Variants in RNF6 observed in about 807,000 individuals in gnomAD.
RNF6 encodes the protein ring finger protein 6.
RNF6 carries 21 observed loss-of-function variants against 50.1 expected under a neutral mutation model. That is an observed-to-expected ratio of 0.42 (90% CI 0.30 to 0.60). RNF6 has a LOEUF of 0.60. RNF6 is among the 20% of genes least tolerant of loss of function. RNF6 has a pLI of 0.20. For missense variants in RNF6, 698 were observed against 838.2 expected, an observed-to-expected ratio of 0.83 and a Z score of 2.07; for synonymous variants, 255 against 291.8, an observed-to-expected ratio of 0.87 and a Z score of 1.29.
At chr13:26,217,795 T>C (rs974286458) in intron 4 of RNF6, among the ~76,000 whole-genome samples, 1 of 152,240 alleles carries the variant, frequency 6.6e-6, no homozygotes, top group Admixed American at 6.5e-5. Flanking sequence ...TAGCAGCTAC[T>C]GTACTGAACA....
chr13:26,144,307 C>T (rs532043774), intron 5 of RNF6, among the ~76,000 whole-genome samples: 1 of 152,228 alleles, frequency 6.6e-6, no homozygotes, highest in Admixed American at 6.5e-5. Flanking sequence ...AATGGGTCAT[C>T]CTATCTACCT....
intron 5 of RNF6, among the ~76,000 whole-genome samples, chr13:26,161,074 GA>G (rs1048774451): frequency 4.0e-5 from 6 of 151,630 alleles, no homozygotes; most frequent in Admixed American, 6.6e-5. Flanking sequence ...GCCATAAAAA[GA>G]AAAAAAAGTT....
Position 26,215,260 on chromosome 13 carries a change from T to C in RNF6, c.622A>G (p.Ser208Gly), listed in dbSNP as rs200858490. The change falls in exon 5 of 5, where the codon AGT becomes GGT. Residue 208 changes from serine to glycine, a missense_variant. Coordinates refer to ENST00000381588, the MANE Select transcript of RNF6 (RefSeq NM_005977.4). ...RSQTSVNFNG[S>G]SSNIPRTRLA... ...CTAGTCCTTGGAATGTTGGAACTAC[T>C]ACCATTGAAATTCACTGAGGTTTGG... 6.3e-5 allele frequency: 101 copies of C among 1,614,120 alleles called. No homozygotes were observed. The highest frequency in any genetic ancestry group is 2.5e-4 in the Admixed American group (15 of 60,006).
At chr13:26,194,021 G>A (rs1868563159) in intron 5 of RNF6, among the ~76,000 whole-genome samples, 2 of 152,168 alleles carry the variant, frequency 1.3e-5, no homozygotes, top group African/African-American at 4.8e-5. Flanking sequence ...ATATAAAATA[G>A]TTACCTAGGA....
intron 5 of RNF6, among the ~76,000 whole-genome samples, chr13:26,173,893 G>A (rs1050764212): frequency 1.4e-5 from 2 of 147,098 alleles, no homozygotes; most frequent in Non-Finnish European, 3.0e-5. Context: ...AGAGGTTGCA[G>A]TGAGCCAGGA....
intron 5 of RNF6, among the ~76,000 whole-genome samples, chr13:26,149,519 G>A (rs938987064): frequency 1.4e-4 from 21 of 151,922 alleles, no homozygotes; most frequent in East Asian, 5.8e-4. Flanking sequence ...CCCGGGAGGC[G>A]GAGCTTGCAG....
intron 5 of RNF6, among the ~76,000 whole-genome samples, chr13:26,139,301 T>C (rs1870812036): frequency 6.6e-6 from 1 of 152,128 alleles, no homozygotes; most frequent in African/African-American, 2.4e-5. Context: ...GGACTGACCA[T>C]TCCTAAGCTG....
rs113743717 is a variant in RNF6, at chr13:26,218,692, C to T, written c.194-86G>A. The T allele has an allele frequency of 1.9e-4, 181 of 949,886 alleles. No homozygotes were observed. In the African/African-American group the frequency reaches 2.3e-3, roughly 12 times the overall value. 58.8% of individuals were successfully genotyped at this position (949,886 alleles called of 1,614,324 possible). ...AAGGGTAAGACTAATCTTTAGTAAC[C>T]TATAGAAGACAAATGTCTTATTACT... is the stretch of plus-strand genomic sequence containing the variant. On this transcript the variant is annotated intron_variant, in intron 3 of 4. Coordinates refer to ENST00000381588, the MANE Select transcript of RNF6 (RefSeq NM_005977.4).
intron 3 of RNF6, 21 bp from the exon 4 acceptor site, chr13:26,218,627 T>C (rs1210559885): frequency 6.3e-7 from 1 of 1,595,332 alleles, no homozygotes; most frequent in Non-Finnish European, 8.6e-7. Context: ...GAAAAACTGC[T>C]CATTTAAGAA....
intron 5 of RNF6, among the ~76,000 whole-genome samples, chr13:26,166,453 A>C (rs214430): frequency 0.99 from 150,170 of 152,214 alleles, 74,110 homozygotes; most frequent in Middle Eastern, 1. Flanking sequence ...ATCTTGAAAA[A>C]CCCATAGTCT....
At chr13:26,205,756 G>A (rs1472153608) in intron 5 of RNF6, among the ~76,000 whole-genome samples, 1 of 152,244 alleles carries the variant, frequency 6.6e-6, no homozygotes, top group Non-Finnish European at 1.5e-5. Flanking sequence ...GCTTACGCCT[G>A]TAATCCCAGC....
intron 4 of RNF6, among the ~76,000 whole-genome samples, chr13:26,216,445 G>GT (rs1869882915): frequency 6.6e-6 from 1 of 152,066 alleles, no homozygotes; most frequent in Non-Finnish European, 1.5e-5. Flanking sequence ...CTCTACAGCA[G>GT]TATCTAGTAT....
At chr13:26,137,654 A>G (rs1217891700) in intron 5 of RNF6, among the ~76,000 whole-genome samples, 2 of 6,912 alleles carry the variant, frequency 2.9e-4, no homozygotes, top group Non-Finnish European at 6.4e-4. Flanking sequence ...TAGAAATTAT[A>G]AAAAAAAAAA....
chr13:26,205,799 A>G (rs1467600853), intron 5 of RNF6, among the ~76,000 whole-genome samples: 1 of 152,208 alleles, frequency 6.6e-6, no homozygotes, highest in Non-Finnish European at 1.5e-5. Flanking sequence ...GGATCGCTTG[A>G]GTCCAGGAGT....
intron 5 of RNF6, among the ~76,000 whole-genome samples, chr13:26,170,270 TCCTA>T (rs745429670): frequency 1.0e-4 from 15 of 148,906 alleles, no homozygotes; most frequent in Non-Finnish European, 1.8e-4. Flanking sequence ...AGAGTCAAGA[TCCTA>T]ACTATTATCA....
At chr13:26,161,659 CCTAA>C (rs1325172365) in intron 5 of RNF6, among the ~76,000 whole-genome samples, 4 of 152,114 alleles carry the variant, frequency 2.6e-5, no homozygotes, top group African/African-American at 4.8e-5. Flanking sequence ...TGACTTTATA[CCTAA>C]CTAATTTACT....
chr13:26,221,159 CAA>C (rs1415347708), intron 2 of RNF6, 87 bp downstream of exon 2: 4 of 152,176 alleles, frequency 2.6e-5, no homozygotes, highest in Admixed American at 6.5e-5. Flanking sequence ...ATCATAAAAT[CAA>C]GTTACCCTAA....
At chr13:26,219,264 A>C (rs1358278888) in intron 3 of RNF6, 193 bp downstream of exon 3, 2 of 512,212 alleles carry the variant, frequency 3.9e-6, no homozygotes, top group East Asian at 6.1e-5. Context: ...CATGTCCCCT[A>C]TTTTCACCTT....
chr13:26,140,573 C>A lies in RNF6; in HGVS notation n.769-8122G>T, dbSNP rs574060937. On this transcript the variant is annotated intron_variant and non_coding_transcript_variant, in intron 5 of 5. Transcript: ENST00000468480. ...TGGGCATTCCCTTTAGGAACTGGAA[C>A]AGACAAGGATACCTAGTCTTACCAC... Among the ~76,000 whole-genome samples, 5 of 152,276 alleles carry A rather than the reference C, an allele frequency of 3.3e-5. No homozygotes were observed. The East Asian group carries it at 9.6e-4, about 29-fold the overall frequency.
Sources: gnomAD v4.1 joint callset for allele counts (sites outside exome capture counted in the v4.1 genomes callset) on GRCh38, gnomAD v4.1.1 for gene constraint, MANE v1.5 for transcripts, NCBI Gene and HGNC (gene_info 2026-07-23, HGNC 2026-07-21) for gene names.